SLC39A8: variants seen among roughly 807,000 people sequenced by gnomAD.
The protein encoded by SLC39A8 is metal cation symporter ZIP8.
In SLC39A8, 15 loss-of-function variants were observed where a neutral mutation model predicts 40.4. The observed-to-expected ratio is 0.37, with a 90% CI of 0.25 to 0.57. The LOEUF is 0.57. Ranked by LOEUF, SLC39A8 falls within the 20% of genes least tolerant of loss-of-function variation. The probability of loss-of-function intolerance (pLI) is 0.75; values close to 1 mark genes in which losing one functional copy is unlikely to be tolerated. For synonymous variants in SLC39A8, 223 were observed against 221.6 expected (o/e 1.01, Z -0.06); for missense variants, 472 against 558.8 (o/e 0.84, Z 1.57).
At position 102,262,753 on chromosome 4, in the gene SLC39A8, A is replaced by G. The variant is rs1260677299; in HGVS notation, c.*291T>C. On this transcript the variant is annotated 3_prime_UTR_variant, in exon 9 of 9. Coordinates refer to ENST00000356736, the MANE Select transcript of SLC39A8 (RefSeq NM_001135146.2). ...GAGTGTCTACATGATTATAGAATGC[A>G]TGTCTCTTGCTTCATGGTGATATCT... The G allele has an allele frequency of 2.8e-6, 3 of 1,088,794 alleles. No individual in the cohort carries two copies. Among genetic ancestry groups the G allele is most frequent in the Non-Finnish European group, 3.3e-6 (3 of 895,696 alleles). The allele number at this position is 1,088,794 out of a possible 1,614,324, so 67.4% of individuals were successfully genotyped here.
At chr4:102,252,641 A>G (rs1731619886) in exon 12 of SLC39A8, 1 of 152,240 alleles carries the variant, frequency 6.6e-6, no homozygotes, top group South Asian at 2.1e-4. Context: ...AGGCTTGTCA[A>G]TTCAGTGGCT....
chr4:102,324,281 G>A (rs1444724201), intron 2 of SLC39A8: 1 of 334,736 alleles, frequency 3.0e-6, no homozygotes, highest in Admixed American at 3.4e-5. Context: ...TGTAATCCCA[G>A]CTACTCGGAA....
At chr4:102,333,728 GTAAGCC>G (rs922184460) in intron 2 of SLC39A8, among the ~76,000 whole-genome samples, 2 of 152,166 alleles carry the variant, frequency 1.3e-5, no homozygotes, top group African/African-American at 4.8e-5. Context: ...GAAATCTGAA[GTAAGCC>G]AACTCATGTA....
intron 6 of SLC39A8, among the ~76,000 whole-genome samples, chr4:102,302,737 T>G (rs981508030): frequency 6.6e-6 from 1 of 151,974 alleles, no homozygotes; most frequent in African/African-American, 2.4e-5. Context: ...CTCTCCTAAT[T>G]ACAACAGCAC....
At chr4:102,269,842 CAA>C (rs1205331338) in intron 6 of SLC39A8, 1 of 152,134 alleles carries the variant, frequency 6.6e-6, no homozygotes, top group Non-Finnish European at 1.5e-5. Context: ...TTTTAAGAAA[CAA>C]AGCTTATCCG....
chr4:102,278,429 C>T (rs1732719138), intron 6 of SLC39A8, among the ~76,000 whole-genome samples: 1 of 152,128 alleles, frequency 6.6e-6, no homozygotes, highest in African/African-American at 2.4e-5. Context: ...CAAATCAAAA[C>T]CACAATAAGA....
chr4:102,296,221 G>T (rs1307868870), intron 6 of SLC39A8, among the ~76,000 whole-genome samples: 1 of 152,054 alleles, frequency 6.6e-6, no homozygotes, highest in Non-Finnish European at 1.5e-5. Flanking sequence ...TAAGAAAAAT[G>T]AGAAAGAATG....
At chr4:102,276,927 A>T (rs1268416191) in intron 6 of SLC39A8, among the ~76,000 whole-genome samples, 1 of 152,230 alleles carries the variant, frequency 6.6e-6, no homozygotes, top group Non-Finnish European at 1.5e-5. Flanking sequence ...GGCCTTCAAT[A>T]AAATTCAACA....
chr4:102,299,117 CT>C (rs1039330740), intron 6 of SLC39A8, among the ~76,000 whole-genome samples: 20 of 151,998 alleles, frequency 1.3e-4, no homozygotes, highest in African/African-American at 4.8e-4. Context: ...GTCAAATATT[CT>C]TAGTGCCCCA....
intron 2 of SLC39A8, among the ~76,000 whole-genome samples, chr4:102,317,299 G>A (rs756671879): frequency 3.9e-5 from 6 of 152,174 alleles, no homozygotes; most frequent in Middle Eastern, 3.4e-3. Context: ...CTATGCAGTT[G>A]TCCAACGCTA....
intron 2 of SLC39A8, among the ~76,000 whole-genome samples, chr4:102,317,391 C>A (rs562087625): frequency 6.6e-6 from 1 of 152,108 alleles, no homozygotes; most frequent in East Asian, 1.9e-4. Flanking sequence ...CCTTATTCAA[C>A]CCACTGTTTT....
intron 6 of SLC39A8, among the ~76,000 whole-genome samples, chr4:102,297,090 G>C (rs1377100273): frequency 6.6e-6 from 1 of 152,010 alleles, no homozygotes; most frequent in Non-Finnish European, 1.5e-5. Flanking sequence ...TTTAAAAAGA[G>C]GAATATCACA....
chr4:102,278,433 AATAAG>A (rs1732719662), intron 6 of SLC39A8, among the ~76,000 whole-genome samples: 1 of 152,242 alleles, frequency 6.6e-6, no homozygotes, highest in African/African-American at 2.4e-5. Context: ...TCAAAACCAC[AATAAG>A]ATACCATCTC....
chr4:102,344,616 G>C lies in SLC39A8; in HGVS notation c.47C>G (p.Ala16Gly), dbSNP rs1221639691. The change falls in exon 2 of 9, where the codon GCC becomes GGC. Residue 16 changes from alanine to glycine, a missense_variant. By Grantham distance (60) the Ala-to-Gly change is moderately conservative (BLOSUM62 0). Around this residue, in one of 4 missense-constraint regions of SLC39A8, gnomAD observed 175 missense variants for 160.5 expected, o/e 1.09. Transcript: ENST00000356736. ...CCCCTCCGCCACTCCTCCGAGGCCGGCGGCCGCCAGCAACAGGAGCCCGGC... is the reference window on the plus strand; with the variant it reads ...CCCCTCCGCCACTCCTCCGAGGCCGCCGGCCGCCAGCAACAGGAGCCCGGC... Reference protein sequence around the residue: ...AVAGLLLLAAAGLGGVAEGPG... With the variant: ...AVAGLLLLAAGGLGGVAEGPG... 6.5e-7 allele frequency: 1 copy of C among 1,539,618 alleles called. No individual in the cohort carries two copies. The highest frequency in any genetic ancestry group is 8.7e-7 in the Non-Finnish European group (1 of 1,143,280).
intron 2 of SLC39A8, among the ~76,000 whole-genome samples, chr4:102,328,443 T>C (rs1367126430): frequency 6.6e-6 from 1 of 152,174 alleles, no homozygotes; most frequent in East Asian, 1.9e-4. Context: ...ATCATCTGCT[T>C]AAACCAGCAG....
intron 6 of SLC39A8, among the ~76,000 whole-genome samples, chr4:102,297,755 CAA>C (rs1039922139): frequency 1.3e-5 from 2 of 151,498 alleles, no homozygotes; most frequent in Admixed American, 6.6e-5. Context: ...CATTTCTACA[CAA>C]AAAAAATTTA....
intron 2 of SLC39A8, among the ~76,000 whole-genome samples, chr4:102,337,960 A>T (rs1320743661): frequency 6.6e-6 from 1 of 152,160 alleles, no homozygotes; most frequent in Non-Finnish European, 1.5e-5. Context: ...CAATCAATAA[A>T]TTTTTTAAAA....
chr4:102,304,871 C>G (rs1317599928), intron 5 of SLC39A8, 118 bp downstream of exon 5: 14 of 836,094 alleles, frequency 1.7e-5, no homozygotes, highest in Non-Finnish European at 2.0e-5. Context: ...CTTAAACTCA[C>G]AAGCCTAATA....
chr4:102,282,939 G>A (rs1732968740), intron 6 of SLC39A8, among the ~76,000 whole-genome samples: 1 of 152,090 alleles, frequency 6.6e-6, no homozygotes, highest in East Asian at 1.9e-4. Flanking sequence ...TGTTAGCCGG[G>A]ATGGTCTCGA....
Sources: gnomAD v4.1 joint callset for allele counts (sites outside exome capture counted in the v4.1 genomes callset) on GRCh38, gnomAD v4.1.1 for gene constraint, gnomAD v4.1.1 regional missense constraint, MANE v1.5 for transcripts, NCBI Gene and HGNC (gene_info 2026-07-23, HGNC 2026-07-21) for gene names.